CACNA1C: variants seen among roughly 807,000 people sequenced by gnomAD.
CACNA1C encodes voltage-dependent L-type calcium channel subunit alpha-1C.
Under a neutral mutation model 229.0 loss-of-function variants are expected in CACNA1C, and 30 were observed. That is an observed-to-expected ratio of 0.13 (90% CI 0.10 to 0.18). The LOEUF (loss-of-function observed/expected upper bound fraction) is 0.18. Among genes scored for constraint, CACNA1C ranks in the 10% least tolerant of loss-of-function variants. The pLI is 1.00. For synonymous variants in CACNA1C, 1,114 were observed against 1,132.5 expected (o/e 0.98, Z 0.33); for missense variants, 1,658 against 2,845.0 (o/e 0.58, Z 9.49).
intron 3 of CACNA1C, among the ~76,000 whole-genome samples, chr12:2,344,437 G>A (rs1207737608): frequency 6.6e-6 from 1 of 152,126 alleles, no homozygotes. Context: ...GTGCCCTCCT[G>A]TGAGTCTGTC....
rs575187680 is a variant in CACNA1C at position 2,008,819 on chromosome 12, T to C, written c.139+37618T>C. Reference sequence around the variant, plus strand: ...GACTTCAGCATTGCCATATTGTTCATCTCCCTGGCCCACAGAGATTTATTT... The same window carrying C: ...GACTTCAGCATTGCCATATTGTTCACCTCCCTGGCCCACAGAGATTTATTT... On this transcript the variant is annotated intron_variant, in intron 1 of 46. Coordinates refer to the CACNA1C transcript ENST00000682462. Among the ~76,000 whole-genome samples the C allele has an allele frequency of 4.6e-5, 7 of 152,334 alleles. No individual in the cohort carries two copies. The South Asian group carries it at 1.0e-3, about 23-fold the overall frequency.
intron 3 of CACNA1C, among the ~76,000 whole-genome samples, chr12:2,296,112 T>C (rs2094012425): frequency 6.6e-6 from 1 of 152,132 alleles, no homozygotes; most frequent in South Asian, 2.1e-4. Context: ...AGAGTAAAGA[T>C]GGAGAAATGC....
At chr12:2,584,439 G>A (rs1229355220) in intron 15 of CACNA1C, 64 bp from the exon 16 acceptor site, 34 of 1,135,754 alleles carry the variant, frequency 3.0e-5, no homozygotes, top group Non-Finnish European at 3.7e-5. Flanking sequence ...CACATCCCCC[G>A]TGCCCCTGTG....
intron 1 of CACNA1C, chr12:2,004,146 G>C: frequency 8.0e-7 from 1 of 1,257,826 alleles, no homozygotes; most frequent in Non-Finnish European, 1.1e-6. Context: ...CACAACTTCG[G>C]CCTCAGTCCC....
At chr12:2,456,506 C>A (rs75606696) in intron 4 of CACNA1C, among the ~76,000 whole-genome samples, 1 of 152,316 alleles carries the variant, frequency 6.6e-6, no homozygotes, top group Non-Finnish European at 1.5e-5. Flanking sequence ...TCCCACAGTT[C>A]TCCCCTTTCC....
chr12:2,547,191 G>A (rs2099882906), intron 9 of CACNA1C, among the ~76,000 whole-genome samples: 1 of 152,164 alleles, frequency 6.6e-6, no homozygotes, highest in African/African-American at 2.4e-5. Flanking sequence ...TCTCTCTCCT[G>A]GAGTAATTCC....
At chr12:2,510,327 A>G (rs11062249) in intron 8 of CACNA1C, among the ~76,000 whole-genome samples, 10,612 of 152,218 alleles carry the variant, frequency 0.07, 1,247 homozygotes, top group African/African-American at 0.24. Flanking sequence ...ACCTTGGCTC[A>G]TCTTCCATCC....
intron 18 of CACNA1C, among the ~76,000 whole-genome samples, chr12:2,589,304 T>C (rs868158916): frequency 6.6e-6 from 1 of 152,152 alleles, no homozygotes; most frequent in Non-Finnish European, 1.5e-5. Context: ...AATCAAGGAT[T>C]GTGTTAGGGG....
chr12:2,563,501 G>A (rs774685418), intron 11 of CACNA1C, among the ~76,000 whole-genome samples: 5 of 152,188 alleles, frequency 3.3e-5, no homozygotes, highest in Non-Finnish European at 7.3e-5. Flanking sequence ...AGCTAGAGCA[G>A]AACACTGCCT....
intron 3 of CACNA1C, among the ~76,000 whole-genome samples, chr12:2,173,859 T>C (rs541468670): frequency 1.8e-4 from 28 of 152,268 alleles, no homozygotes; most frequent in Admixed American, 1.5e-3. Flanking sequence ...GCTATGATGA[T>C]GGGGAGCCCT....
chr12:2,561,810 C>G (rs1476341696), intron 11 of CACNA1C, among the ~76,000 whole-genome samples: 1 of 152,174 alleles, frequency 6.6e-6, no homozygotes, highest in Non-Finnish European at 1.5e-5. Context: ...ATGGAAGGTT[C>G]TATTTCTAGA....
intron 5 of CACNA1C, among the ~76,000 whole-genome samples, chr12:2,475,855 A>G (rs1443865375): frequency 6.6e-6 from 1 of 152,168 alleles, no homozygotes; most frequent in African/African-American, 2.4e-5. Context: ...ATCTTGGTGT[A>G]GGAGGGGTGA....
At chr12:2,360,379 G>A in intron 3 of CACNA1C, among the ~76,000 whole-genome samples, 1 of 152,158 alleles carries the variant, frequency 6.6e-6, no homozygotes, top group East Asian at 1.9e-4. Context: ...GCTCCGTCCA[G>A]CATCCCTGCT....
At chr12:2,377,353 T>C (rs570882240) in intron 3 of CACNA1C, among the ~76,000 whole-genome samples, 98 of 152,194 alleles carry the variant, frequency 6.4e-4, no homozygotes, top group Admixed American at 2.6e-3. Flanking sequence ...TCAGGGGCTT[T>C]CATGCAGTGC....
chr12:2,188,279 G>C (rs994659943), intron 3 of CACNA1C, among the ~76,000 whole-genome samples: 2 of 152,126 alleles, frequency 1.3e-5, no homozygotes, highest in African/African-American at 4.8e-5. Context: ...TGGGAAGAAT[G>C]GTTGTATTTT....
intron 3 of CACNA1C, among the ~76,000 whole-genome samples, chr12:2,222,630 C>T (rs2061766268): frequency 6.6e-6 from 1 of 152,170 alleles, no homozygotes; most frequent in Admixed American, 6.5e-5. Context: ...GGTACCCTGT[C>T]GTGCCCTTTA....
rs1224390880 is a variant in CACNA1C, at chr12:2,410,004, G to A, written c.478-38972G>A. ...ATGAGCAGGACAGCTCGGAGAGACAGGAACGCAAACAGAGGAGAATTTTCG... is the reference window on the plus strand; with the variant it reads ...ATGAGCAGGACAGCTCGGAGAGACAAGAACGCAAACAGAGGAGAATTTTCG... On this transcript the variant is annotated intron_variant, in intron 3 of 46. Coordinates refer to ENST00000399655, the MANE Select transcript of CACNA1C (RefSeq NM_000719.7). The surrounding 1 kb of genome is among the most constrained non-coding windows in gnomAD (Gnocchi z 5.3). Among the ~76,000 whole-genome samples the A allele has an allele frequency of 6.6e-6, 1 of 152,230 alleles. No homozygotes were observed. The highest frequency in any genetic ancestry group is 1.9e-4 in the East Asian group (1 of 5,190).
At chr12:2,159,604 T>TC (rs202158075) in intron 3 of CACNA1C, among the ~76,000 whole-genome samples, 8 of 118,526 alleles carry the variant, frequency 6.7e-5, no homozygotes, top group Admixed American at 8.3e-5. Context: ...TTTCTTTCTC[T>TC]TTTTTTTTTT....
chr12:2,610,702 C>A lies in CACNA1C; in HGVS notation c.3717+3C>A. On this transcript the variant is annotated splice_donor_region_variant and intron_variant, in intron 28 of 46. Coordinates refer to ENST00000399655, the MANE Select transcript of CACNA1C (RefSeq NM_000719.7). ...ACACCATCTGCCTGGCCATGCAGGT[C>A]AGTCCCAGGAGGAGCACAGCCATGG... 6.2e-7 allele frequency: 1 copy of A among 1,614,132 alleles called. No homozygotes were observed. The highest frequency in any genetic ancestry group is 1.1e-5 in the South Asian group (1 of 91,068).
Sources: allele counts gnomAD v4.1 joint callset (sites outside exome capture counted in the v4.1 genomes callset), GRCh38; gene constraint gnomAD v4.1.1; non-coding constraint Gnocchi (gnomAD v3.1); transcripts MANE v1.5; gene names NCBI Gene and HGNC (gene_info 2026-07-23, HGNC 2026-07-21).